SLC30A7: variants seen among roughly 807,000 people sequenced by gnomAD.
SLC30A7 encodes the protein solute carrier family 30 member 7.
SLC30A7 carries 35 observed loss-of-function variants against 46.0 expected under a neutral mutation model. The observed-to-expected ratio is 0.76, with a 90% CI of 0.58 to 1.01. The LOEUF is 1.01. SLC30A7 is among the 50% of genes least tolerant of loss of function. The probability of loss-of-function intolerance (pLI) is 0.00; values close to 1 mark genes in which losing one functional copy is unlikely to be tolerated. For synonymous variants in SLC30A7, 147 were observed against 157.8 expected (o/e 0.93, Z 0.51); for missense variants, 464 against 451.1 (o/e 1.03, Z -0.26).
Position 100,906,891 on chromosome 1 carries a change from T to C in SLC30A7, c.222T>C (p.Asp74=), listed in dbSNP as rs771642733. 3 of 1,613,392 alleles carry C rather than the reference T, an allele frequency of 1.9e-6. No individual in the cohort carries two copies. Among genetic ancestry groups the C allele is most frequent in the Non-Finnish European group, 2.5e-6 (3 of 1,179,610 alleles). ...CCGACTCTTTTCACATGTTTTTCGATAGCACTGCCATTTTGGCTGGACTGG... is the reference window on the plus strand; with the variant it reads ...CCGACTCTTTTCACATGTTTTTCGACAGCACTGCCATTTTGGCTGGACTGG... ...LISDSFHMFF[D]STAILAGLAA... is the part of the protein sequence containing the mutation. Residue 74 remains aspartate, a synonymous_variant, in exon 3 of 11, where the codon GAT becomes GAC. Transcript: ENST00000357650.
At chr1:100,955,624 A>C (rs1490700171) in intron 8 of SLC30A7, among the ~76,000 whole-genome samples, 1 of 152,068 alleles carries the variant, frequency 6.6e-6, no homozygotes, top group Non-Finnish European at 1.5e-5. Context: ...GAATTTGCTA[A>C]GCTTGTCGTT....
At chr1:100,923,237 C>T (rs976725319) in intron 8 of SLC30A7, among the ~76,000 whole-genome samples, 4 of 106,480 alleles carry the variant, frequency 3.8e-5, no homozygotes, top group Non-Finnish European at 8.4e-5. Flanking sequence ...AGGATGGTCT[C>T]GATCTCCTGA....
chr1:100,971,057 C>T (rs890898449), intron 10 of SLC30A7, among the ~76,000 whole-genome samples: 2 of 152,114 alleles, frequency 1.3e-5, no homozygotes, highest in African/African-American at 4.8e-5. Context: ...AAGCCCCCAA[C>T]TTCCTGCTTC....
At chr1:100,955,878 C>G (rs1281482374) in intron 8 of SLC30A7, among the ~76,000 whole-genome samples, 2 of 152,064 alleles carry the variant, frequency 1.3e-5, no homozygotes, top group Non-Finnish European at 2.9e-5. Flanking sequence ...CCTTTATTCT[C>G]TACCATAGTT....
At chr1:100,907,925 T>C (rs1165129768) in intron 3 of SLC30A7, among the ~76,000 whole-genome samples, 1 of 152,086 alleles carries the variant, frequency 6.6e-6, no homozygotes, top group Non-Finnish European at 1.5e-5. Flanking sequence ...TCTGTCCCCC[T>C]ATACCTTTCC....
intron 8 of SLC30A7, among the ~76,000 whole-genome samples, chr1:100,939,949 A>C (rs963548263): frequency 1.6e-4 from 24 of 152,104 alleles, no homozygotes; most frequent in Non-Finnish European, 3.2e-4. Context: ...TATTCTGAGG[A>C]GGAAGTAGTA....
intron 8 of SLC30A7, among the ~76,000 whole-genome samples, chr1:100,951,750 C>T (rs77961972): frequency 6.6e-6 from 1 of 152,178 alleles, no homozygotes; most frequent in African/African-American, 2.4e-5. Flanking sequence ...CTGATTTCTC[C>T]CTCCTTACCC....
At chr1:100,971,273 A>G (rs909239406) in intron 10 of SLC30A7, among the ~76,000 whole-genome samples, 27 of 152,150 alleles carry the variant, frequency 1.8e-4, no homozygotes, top group African/African-American at 6.3e-4. Flanking sequence ...GGTACAGAGT[A>G]GGAGAAAGTG....
At chr1:100,923,004 A>ATTT (rs71084855) in intron 8 of SLC30A7, among the ~76,000 whole-genome samples, 20 of 49,142 alleles carry the variant, frequency 4.1e-4, no homozygotes, top group Middle Eastern at 0.015. Flanking sequence ...GTTAGAATAG[A>ATTT]TTTTTTTTTT....
intron 5 of SLC30A7, among the ~76,000 whole-genome samples, chr1:100,913,091 A>G (rs4908107): frequency 0.85 from 129,029 of 152,112 alleles, 54,837 homozygotes; most frequent in Middle Eastern, 0.97. Context: ...TGGTTTAGTC[A>G]TTTTTAGGTA....
intron 8 of SLC30A7, among the ~76,000 whole-genome samples, chr1:100,945,453 TA>T (rs1654579384): frequency 6.6e-6 from 1 of 152,242 alleles, no homozygotes; most frequent in Admixed American, 6.5e-5. Flanking sequence ...CATCTTGAAT[TA>T]ATTTTTGTAT....
At chr1:100,903,629 T>C (rs1032745217) in intron 2 of SLC30A7, among the ~76,000 whole-genome samples, 11 of 152,158 alleles carry the variant, frequency 7.2e-5, no homozygotes, top group African/African-American at 2.4e-4. Flanking sequence ...CTTTCTAATA[T>C]ATCTATATTT....
chr1:100,912,893 G>A (rs77108547), intron 5 of SLC30A7, among the ~76,000 whole-genome samples: 8 of 110,650 alleles, frequency 7.2e-5, no homozygotes, highest in Admixed American at 6.9e-4. Flanking sequence ...AAAAAAAAGT[G>A]TGTGTGTTTA....
chr1:100,960,351 C>T (rs1655470664), intron 8 of SLC30A7, among the ~76,000 whole-genome samples: 1 of 152,132 alleles, frequency 6.6e-6, no homozygotes, highest in Non-Finnish European at 1.5e-5. Context: ...TTCCTGTGCC[C>T]TGTGCCCTTC....
chr1:100,920,412 CTATAAG>C (rs1160109072), intron 7 of SLC30A7, among the ~76,000 whole-genome samples: 18 of 151,968 alleles, frequency 1.2e-4, no homozygotes, highest in Admixed American at 1.1e-3. Flanking sequence ...AATATTTATT[CTATAAG>C]TATGTCTGAC....
chr1:100,965,546 A>T (rs1655812952), intron 9 of SLC30A7, among the ~76,000 whole-genome samples: 1 of 152,196 alleles, frequency 6.6e-6, no homozygotes, highest in African/African-American at 2.4e-5. Flanking sequence ...GTGTCCTACA[A>T]ATTTTGATAC....
chr1:100,927,082 C>T (rs1653351916), intron 8 of SLC30A7, among the ~76,000 whole-genome samples: 1 of 152,120 alleles, frequency 6.6e-6, no homozygotes, highest in Admixed American at 6.5e-5. Flanking sequence ...GCGCAATGAG[C>T]AGGGCAGAGA....
Position 100,932,253 on chromosome 1 carries a change from A to T in SLC30A7, c.842+10412A>T, listed in dbSNP as rs559676996. ...AACATGGTGAAACCCCATCTCTACT[A>T]AAAATACAAAAATTAGCCAGGTGTG... On this transcript the variant is annotated intron_variant, in intron 8 of 10. Coordinates refer to ENST00000357650, the MANE Select transcript of SLC30A7 (RefSeq NM_133496.5). Among the ~76,000 whole-genome samples, 38 of 152,166 alleles carry T rather than the reference A, an allele frequency of 2.5e-4. 2 individuals are homozygous for T. The South Asian group carries it at 6.6e-3, about 27-fold the overall frequency.
At chr1:100,939,574 C>T (rs1316445659) in intron 8 of SLC30A7, among the ~76,000 whole-genome samples, 2 of 151,786 alleles carry the variant, frequency 1.3e-5, no homozygotes, top group African/African-American at 2.4e-5. Flanking sequence ...CGGTGGCTCT[C>T]GCCTGTAATC....
Sources: allele counts gnomAD v4.1 joint callset (sites outside exome capture counted in the v4.1 genomes callset), GRCh38; gene constraint gnomAD v4.1.1; transcripts MANE v1.5; gene names NCBI Gene and HGNC (gene_info 2026-07-23, HGNC 2026-07-21).